GYPC: variants seen among roughly 807,000 people sequenced by gnomAD.
GYPC encodes glycophorin-C.
GYPC carries 14 observed loss-of-function variants against 12.6 expected under a neutral mutation model. The observed-to-expected ratio is 1.11, with a 90% CI of 0.74 to 1.74. The LOEUF (loss-of-function observed/expected upper bound fraction) is 1.74, where lower values mean the gene tolerates loss of function less well. Among genes scored for constraint, GYPC ranks in the 40% most tolerant of loss-of-function variants. GYPC has a pLI of 0.00. For synonymous variants in GYPC, 78 were observed against 62.1 expected (o/e 1.26, Z -1.20); for missense variants, 225 against 172.1 (o/e 1.31, Z -1.72).
At chr2:126,669,276 G>A (rs142967649) in intron 1 of GYPC, among the ~76,000 whole-genome samples, 7 of 152,328 alleles carry the variant, frequency 4.6e-5, no homozygotes, top group Non-Finnish European at 4.4e-5. Flanking sequence ...GTTGCCTGGC[G>A]ACATTTGTCC....
intron 1 of GYPC, among the ~76,000 whole-genome samples, chr2:126,683,671 T>A (rs531293520): frequency 4.6e-5 from 7 of 152,284 alleles, no homozygotes; most frequent in Admixed American, 1.3e-4. Flanking sequence ...AACAGGGAAA[T>A]CTATACAGAG....
At chr2:126,659,485 G>C (rs1481297864) in intron 1 of GYPC, among the ~76,000 whole-genome samples, 1 of 152,200 alleles carries the variant, frequency 6.6e-6, no homozygotes, top group South Asian at 2.1e-4. Flanking sequence ...TCCCATCTGT[G>C]AGTGGGAATG....
chr2:126,663,664 A>G (rs933445584), intron 1 of GYPC, among the ~76,000 whole-genome samples: 3 of 152,172 alleles, frequency 2.0e-5, no homozygotes, highest in African/African-American at 7.2e-5. Context: ...GTAGGCAAAC[A>G]AGGTCTGCAA....
chr2:126,677,477 G>A (rs1057209123), intron 1 of GYPC, among the ~76,000 whole-genome samples: 22 of 135,918 alleles, frequency 1.6e-4, no homozygotes. Context: ...GTGTGTGTGA[G>A]CACGTGTGAG....
chr2:126,675,866 T>G (rs1336179705), intron 1 of GYPC: 1 of 182,046 alleles, frequency 5.5e-6, no homozygotes, highest in Non-Finnish European at 1.0e-5. Context: ...GTTTAGCCAT[T>G]TATATTCTTT....
rs1176364437 is a variant in GYPC at position 126,696,293 on chromosome 2, G to T, written c.*151G>T. The T allele has an allele frequency of 2.8e-6, 2 of 709,962 alleles. No homozygotes were observed. Among genetic ancestry groups the T allele is most frequent in the East Asian group, 5.5e-5 (2 of 36,684 alleles). 44.0% of individuals were successfully genotyped at this position (709,962 alleles called of 1,614,324 possible). ...AGCCACCTGGAAACACTAGGTGCCTGCCCAGGGAGGAACGGAGGAGGACTC... is the reference window on the plus strand; with the variant it reads ...AGCCACCTGGAAACACTAGGTGCCTTCCCAGGGAGGAACGGAGGAGGACTC... On this transcript the variant is annotated 3_prime_UTR_variant, in exon 4 of 4. Transcript: ENST00000259254.
intron 1 of GYPC, 140 bp downstream of exon 1, chr2:126,656,452 G>T (rs1438536300): frequency 4.4e-6 from 3 of 689,020 alleles, no homozygotes; most frequent in Non-Finnish European, 7.1e-6. Flanking sequence ...CGTCCGCTGG[G>T]CTCAGATCCC....
intron 2 of GYPC, among the ~76,000 whole-genome samples, chr2:126,691,833 C>A (rs975316187): frequency 6.6e-6 from 1 of 152,144 alleles, no homozygotes; most frequent in African/African-American, 2.4e-5. Flanking sequence ...ACAAACTGTC[C>A]TAATAAATGC....
intron 1 of GYPC, among the ~76,000 whole-genome samples, chr2:126,665,693 A>G (rs941841726): frequency 2.0e-5 from 3 of 152,232 alleles, no homozygotes; most frequent in African/African-American, 7.2e-5. Context: ...CAGACTCGGC[A>G]CAGGTGCCTG....
At chr2:126,675,086 G>A (rs1682958854) in intron 1 of GYPC, among the ~76,000 whole-genome samples, 1 of 152,148 alleles carries the variant, frequency 6.6e-6, no homozygotes, top group African/African-American at 2.4e-5. Flanking sequence ...TGAGTGCCCA[G>A]GGTGAGTGGC....
intron 1 of GYPC, among the ~76,000 whole-genome samples, chr2:126,673,072 AG>A (rs1682894446): frequency 6.6e-6 from 1 of 151,986 alleles, no homozygotes; most frequent in Non-Finnish European, 1.5e-5. Context: ...GAGACCCAGA[AG>A]GGTATTGGGA....
At chr2:126,658,051 A>T (rs944779155) in intron 1 of GYPC, 1 of 152,314 alleles carries the variant, frequency 6.6e-6, no homozygotes, top group Non-Finnish European at 1.5e-5. Flanking sequence ...CTAGGCCCCA[A>T]TGCCACAGTT....
intron 1 of GYPC, among the ~76,000 whole-genome samples, chr2:126,674,169 C>T (rs1233996279): frequency 6.6e-6 from 1 of 152,228 alleles, no homozygotes; most frequent in Non-Finnish European, 1.5e-5. Context: ...AATGGCTCCT[C>T]CACCCAGGCC....
chr2:126,665,001 C>G (rs907127376), intron 1 of GYPC, among the ~76,000 whole-genome samples: 4 of 152,182 alleles, frequency 2.6e-5, no homozygotes, highest in African/African-American at 9.7e-5. Flanking sequence ...TTTTCTGTCT[C>G]TATCTTTCTC....
At chr2:126,656,446 C>G in intron 1 of GYPC, 134 bp downstream of exon 1, 1 of 722,776 alleles carries the variant, frequency 1.4e-6, no homozygotes, top group Non-Finnish European at 2.2e-6. Context: ...AGGAGGCGTC[C>G]GCTGGGCTCA....
intron 2 of GYPC, among the ~76,000 whole-genome samples, chr2:126,690,887 C>A (rs1490735749): frequency 3.3e-5 from 5 of 151,780 alleles, no homozygotes; most frequent in Non-Finnish European, 7.4e-5. Flanking sequence ...TGCTCTGCGA[C>A]CTTCTTTGAG....
intron 1 of GYPC, among the ~76,000 whole-genome samples, chr2:126,665,680 C>T (rs1048499658): frequency 6.6e-6 from 1 of 152,384 alleles, no homozygotes; most frequent in African/African-American, 2.4e-5. Context: ...CAAAGCACTA[C>T]AGCAGACTCG....
chr2:126,665,561 G>A (rs1452607111), intron 1 of GYPC, among the ~76,000 whole-genome samples: 2 of 152,192 alleles, frequency 1.3e-5, no homozygotes, highest in Non-Finnish European at 2.9e-5. Flanking sequence ...AAGGCTGGAG[G>A]ACATCAGTGT....
Position 126,693,905 on chromosome 2 carries a change from G to A in GYPC, c.148G>A (p.Glu50Lys), listed in dbSNP as rs114199197. ...GMSGWPDGRM[E>K]TSTPTIMDIV... ...GTCTGGATGGCCGGATGGCAGAATG[G>A]AGACCTCCACCCCCACCATAATGGA... Residue 50 changes from glutamate (E) to lysine (K), a missense_variant, in exon 3 of 4, where the codon GAG becomes AAG. Transcript: ENST00000259254. The A allele has an allele frequency of 6.7e-5, 108 of 1,612,898 alleles. No homozygotes were observed. The highest frequency in any genetic ancestry group is 9.0e-5 in the Non-Finnish European group (106 of 1,178,918).
Sources: gnomAD v4.1 joint callset for allele counts (sites outside exome capture counted in the v4.1 genomes callset) on GRCh38, gnomAD v4.1.1 for gene constraint, MANE v1.5 for transcripts, NCBI Gene and HGNC (gene_info 2026-07-23, HGNC 2026-07-21) for gene names.